Variants in PCDHGA3 observed in about 807,000 individuals in gnomAD.
PCDHGA3 encodes protocadherin gamma subfamily A, 3.
In PCDHGA3, 40 loss-of-function variants were observed where a neutral mutation model predicts 58.5. The ratio of observed to expected loss-of-function variants is 0.68; its 90% CI spans 0.53 to 0.89. PCDHGA3 has a LOEUF of 0.89. Ranked by LOEUF, PCDHGA3 falls within the 40% of genes least tolerant of loss-of-function variation. The pLI is 0.00. For synonymous variants in PCDHGA3, 530 were observed against 525.7 expected (o/e 1.01, Z -0.11); for missense variants, 1,223 against 1,195.9 (o/e 1.02, Z -0.33).
intron 1 of PCDHGA3, chr5:141,478,778 C>A: frequency 6.7e-7 from 1 of 1,488,178 alleles, no homozygotes; most frequent in Non-Finnish European, 8.9e-7. Flanking sequence ...ATCTGTGGAC[C>A]TAATTCACAT....
rs1270447529 is a variant in PCDHGA3 at position 141,490,526 on chromosome 5, C to A, written c.2425-4281C>A. 3 of 1,614,116 alleles carry A rather than the reference C, an allele frequency of 1.9e-6. No homozygotes were observed. Among genetic ancestry groups the A allele is most frequent in the Non-Finnish European group, 2.5e-6 (3 of 1,180,008 alleles). On this transcript the variant is annotated intron_variant, in intron 1 of 3. Transcript: ENST00000253812. This position sits in a 1 kb window ranked among gnomAD's most constrained non-coding sequence, Gnocchi z 5.4. ...ATCATCGAGCTGCTGGCCAGCGATG[C>A]TGGTTCACCTTCCCTACACAAACAT...
At chr5:141,398,014 C>T in intron 1 of PCDHGA3, 1 of 1,420,276 alleles carries the variant, frequency 7.0e-7, no homozygotes, top group South Asian at 1.5e-5. Context: ...AGAATCGTTT[C>T]CTAAACTGGA....
chr5:141,395,657 T>C (rs1400217115), intron 1 of PCDHGA3: 1 of 162,996 alleles, frequency 6.1e-6, no homozygotes, highest in African/African-American at 2.4e-5. Context: ...TTAGCAAAAG[T>C]AAAATATATC....
chr5:141,415,756 T>C, intron 1 of PCDHGA3: 2 of 1,387,344 alleles, frequency 1.4e-6, no homozygotes, highest in Non-Finnish European at 1.9e-6. Flanking sequence ...TTTTTTTTTT[T>C]TTTTTTTTTT....
chr5:141,374,708 C>G, intron 1 of PCDHGA3: 2 of 1,609,146 alleles, frequency 1.2e-6, no homozygotes, highest in East Asian at 2.2e-5. Flanking sequence ...AGCCGTTTAC[C>G]GCCTGGTCCT....
chr5:141,415,350 G>C, intron 1 of PCDHGA3: 1 of 1,614,228 alleles, frequency 6.2e-7, no homozygotes, highest in Non-Finnish European at 8.5e-7. Context: ...GCTGGCACAA[G>C]TCACGCCTGC....
Position 141,430,614 on chromosome 5 carries a change from T to C in PCDHGA3, c.2425-64193T>C, listed in dbSNP as rs1030314096. 7.3e-6 allele frequency: 5 copies of C among 680,636 alleles called. No individual in the cohort carries two copies. In the African/African-American group the frequency reaches 7.4e-5, roughly 10 times the overall value. 42.2% of individuals were successfully genotyped at this position (680,636 alleles called of 1,614,324 possible). ...GCACGCGCCTGAAGCACAAAGCAGA[T>C]AGCTAGGAATGAACCATCCCTGGGA... On this transcript the variant is annotated intron_variant, in intron 1 of 3. Transcript: ENST00000253812.
chr5:141,362,375 C>CTGTA, intron 1 of PCDHGA3: 1 of 1,614,040 alleles, frequency 6.2e-7, no homozygotes, highest in Non-Finnish European at 8.5e-7. Context: ...AGTGAGGGTA[C>CTGTA]ATTGCCCTAT....
rs761468303 is a variant in PCDHGA3 at position 141,421,659 on chromosome 5, T to C, written c.2425-73148T>C. 4 of 1,613,700 alleles carry C rather than the reference T, an allele frequency of 2.5e-6. No individual in the cohort carries two copies. The Admixed American group carries it at 6.7e-5, about 27-fold the overall frequency. On this transcript the variant is annotated intron_variant, in intron 1 of 3. Transcript: ENST00000253812. ...AGGACGAAGTGGAGATAAAAGTCAG[T>C]GAGCACGCAATTCCTGGGGCGCGAT...
chr5:141,373,211 T>C (rs1258872699), intron 1 of PCDHGA3, among the ~76,000 whole-genome samples: 1 of 152,254 alleles, frequency 6.6e-6, no homozygotes, highest in Non-Finnish European at 1.5e-5. Flanking sequence ...AACACATTTT[T>C]AATGTAACCT....
At chr5:141,366,010 T>A in intron 1 of PCDHGA3, 1 of 1,614,232 alleles carries the variant, frequency 6.2e-7, no homozygotes, top group South Asian at 1.1e-5. Context: ...ACAATACGCC[T>A]GAGATCCTGT....
intron 1 of PCDHGA3, chr5:141,374,803 A>C (rs371815306): frequency 4.3e-6 from 7 of 1,613,866 alleles, no homozygotes; most frequent in African/African-American, 4.0e-5. Flanking sequence ...ACAACACTCC[A>C]ATGTTTACTC....
intron 1 of PCDHGA3, chr5:141,360,778 G>A: frequency 6.2e-7 from 1 of 1,613,918 alleles, no homozygotes; most frequent in African/African-American, 1.3e-5. Flanking sequence ...CCTCACAGCT[G>A]TGGATGGCGG....
At chr5:141,394,937 C>A in intron 1 of PCDHGA3, 1 of 1,613,806 alleles carries the variant, frequency 6.2e-7, no homozygotes, top group Non-Finnish European at 8.5e-7. Context: ...TCGCCTTTGT[C>A]GCTGTGCTTC....
intron 1 of PCDHGA3, among the ~76,000 whole-genome samples, chr5:141,425,189 T>C (rs1042702500): frequency 2.6e-5 from 4 of 152,116 alleles, no homozygotes; most frequent in African/African-American, 7.2e-5. Flanking sequence ...AATTCCAAAC[T>C]GAGAAAAATG....
At chr5:141,349,592 A>C (rs1442009936) in intron 1 of PCDHGA3, among the ~76,000 whole-genome samples, 2 of 152,152 alleles carry the variant, frequency 1.3e-5, no homozygotes, top group Non-Finnish European at 2.9e-5. Context: ...TTTTTGCAAA[A>C]ACTATTTTTG....
chr5:141,499,122 A>G (rs971741957), intron 2 of PCDHGA3, among the ~76,000 whole-genome samples: 3 of 152,140 alleles, frequency 2.0e-5, no homozygotes, highest in African/African-American at 7.2e-5. Context: ...ATCCCTTCTC[A>G]GGTCATCCTT....
At chr5:141,409,712 T>C (rs1049603081) in intron 1 of PCDHGA3, 5 of 1,613,122 alleles carry the variant, frequency 3.1e-6, no homozygotes, top group Non-Finnish European at 4.2e-6. Flanking sequence ...GGTGTCGTCA[T>C]ACGTGTCAGT....
intron 1 of PCDHGA3, among the ~76,000 whole-genome samples, chr5:141,433,940 T>C (rs1315031506): frequency 6.6e-6 from 1 of 152,192 alleles, no homozygotes; most frequent in African/African-American, 2.4e-5. Flanking sequence ...TATAATTCCA[T>C]TGTTTCTTCT....
Sources: allele counts gnomAD v4.1 joint callset (sites outside exome capture counted in the v4.1 genomes callset), GRCh38; gene constraint gnomAD v4.1.1; non-coding constraint Gnocchi (gnomAD v3.1); transcripts MANE v1.5; gene names NCBI Gene and HGNC (gene_info 2026-07-23, HGNC 2026-07-21).